The following RPS15 variants were observed in gnomAD, a reference collection of about 807,000 sequenced individuals.
RPS15 encodes small ribosomal subunit protein uS19.
Under a neutral mutation model 14.9 loss-of-function variants are expected in RPS15, and 5 were observed. The observed-to-expected ratio is 0.34, with a 90% CI of 0.18 to 0.70. The LOEUF is 0.70. Ranked by LOEUF, RPS15 falls within the 30% of genes least tolerant of loss-of-function variation. The pLI is 0.65. For missense variants in RPS15, 102 were observed against 204.2 expected, an observed-to-expected ratio of 0.50 and a Z score of 3.05; for synonymous variants, 103 against 85.0, an observed-to-expected ratio of 1.21 and a Z score of -1.16.
At chr19:1,440,281 G>T (rs770007962) in intron 3 of RPS15, 28 bp downstream of exon 3, 6 of 1,611,598 alleles carry the variant, frequency 3.7e-6, no homozygotes, top group South Asian at 3.3e-5. Context: ...TGCCGGCTGG[G>T]GTGGGCTGGG....
intron 2 of RPS15, chr19:1,439,219 T>A (rs1385416964): frequency 3.0e-6 from 1 of 334,652 alleles, no homozygotes; most frequent in African/African-American, 2.2e-5. Context: ...CTGGGTCCTT[T>A]CCAGGCAGGG....
At chr19:1,439,166 G>T (rs889708404) in intron 2 of RPS15, 2 of 465,928 alleles carry the variant, frequency 4.3e-6, no homozygotes, top group Non-Finnish European at 7.6e-6. Context: ...TTAGAATAAG[G>T]GGCTGCGTTA....
At chr19:1,439,901 C>A in intron 2 of RPS15, 118 bp from the exon 3 acceptor site, 1 of 834,436 alleles carries the variant, frequency 1.2e-6, no homozygotes, top group Non-Finnish European at 2.0e-6. Flanking sequence ...TGGACAGTGA[C>A]AGGTCCACTG....
rs527455840 is a variant in RPS15 at position 1,439,054 on chromosome 19, C to T, written c.89+162C>T. ...TGTGGTCTTGCGCCCAGAAAACTGT[C>T]CAGAGACGTTGAGGTTTTTGCTTAT... On this transcript the variant is annotated intron_variant, in intron 2 of 3. Coordinates refer to ENST00000592588, the MANE Select transcript of RPS15 (RefSeq NM_001018.5). The T allele has an allele frequency of 2.0e-4, 125 of 613,536 alleles. No homozygotes were observed. The Admixed American group carries it at 2.4e-3, about 12-fold the overall frequency. The allele number at this position is 613,536 out of a possible 1,614,324, so 38.0% of individuals were successfully genotyped here.
rs1014073013 is a variant in RPS15 at position 1,438,555 on chromosome 19, G to A, written c.3+127G>A. On this transcript the variant is annotated intron_variant, in intron 1 of 3. Coordinates refer to ENST00000592588, the MANE Select transcript of RPS15 (RefSeq NM_001018.5). The surrounding 1 kb of genome is among the most constrained non-coding windows in gnomAD (Gnocchi z 4.8). The stretch of plus-strand genomic sequence containing the variant: ...CTTGCTCCCGACCCTGCAGGCGGCT[G>A]GATGTTGGGGCGAGGGGCGGACTTG... 128 of 1,577,004 alleles carry A rather than the reference G, an allele frequency of 8.1e-5. No homozygotes were observed. Among genetic ancestry groups the A allele is most frequent in the Non-Finnish European group, 1.0e-4 (121 of 1,161,442 alleles).
chr19:1,439,119 G>A (rs2083632860), intron 2 of RPS15: 1 of 543,496 alleles, frequency 1.8e-6, no homozygotes, highest in Non-Finnish European at 3.2e-6. Context: ...CCGCGGCTTA[G>A]TTGGAAGGTG....
Position 1,438,989 on chromosome 19 carries a change from C to A in RPS15, c.89+97C>A. 1.8e-6 allele frequency: 1 copy of A among 564,210 alleles called. No homozygotes were observed. Among genetic ancestry groups the A allele is most frequent in the Non-Finnish European group, 3.0e-6 (1 of 331,056 alleles). The allele number at this position is 564,210 out of a possible 1,614,324, so 35.0% of individuals were successfully genotyped here. On this transcript the variant is annotated intron_variant, in intron 2 of 3. Transcript: ENST00000592588. This position sits in a 1 kb window ranked among gnomAD's most constrained non-coding sequence, Gnocchi z 4.8. The stretch of plus-strand genomic sequence containing the variant: ...GGCGGGGGTCCAAGCGCCTCTGCGG[C>A]GGTGGGCGGGCACGGTCTCCGCGCG...
At chr19:1,439,056 A>G in intron 2 of RPS15, 164 bp downstream of exon 2, 3 of 607,910 alleles carry the variant, frequency 4.9e-6, no homozygotes, top group South Asian at 4.2e-5. Flanking sequence ...AAAACTGTCC[A>G]GAGACGTTGA....
rs1159617100 is a variant in RPS15, at chr19:1,438,672, A to T, written c.4-135A>T. The T allele has an allele frequency of 2.0e-6, 3 of 1,531,326 alleles. No individual in the cohort carries two copies. Among genetic ancestry groups the T allele is most frequent in the African/African-American group, 2.8e-5 (2 of 72,418 alleles). 94.9% of individuals were successfully genotyped at this position (1,531,326 alleles called of 1,614,324 possible). On this transcript the variant is annotated intron_variant, in intron 1 of 3. Transcript: ENST00000592588. The surrounding 1 kb of genome is among the most constrained non-coding windows in gnomAD (Gnocchi z 4.8). Reference sequence around the variant, plus strand: ...CCGGAGCCGCGAGTGATCCCCGGGGACGGGTCGAAGCGGTGTGTCCCTGTC... The same window carrying T: ...CCGGAGCCGCGAGTGATCCCCGGGGTCGGGTCGAAGCGGTGTGTCCCTGTC...
At position 1,440,062 on chromosome 19, in the gene RPS15, C is replaced by T. The variant is rs1180113591; in HGVS notation, c.133C>T (p.Leu45=). ...GTACAGTGCGCGCCAGCGGCGGCGG[C>T]TGAACCGGGGCCTGCGGCGGAAGCA... ...QLYSARQRRR[L]NRGLRRKQHS... Residue 45 remains leucine (L), a synonymous_variant, in exon 3 of 4, where the codon CTG becomes TTG. Transcript: ENST00000592588. The T allele has an allele frequency of 2.6e-6, 4 of 1,563,008 alleles. No individual in the cohort carries two copies. In the Admixed American group the frequency reaches 7.8e-5, roughly 30 times the overall value.
intron 2 of RPS15, chr19:1,439,155 C>T (rs2083633103): frequency 4.1e-6 from 2 of 488,970 alleles, no homozygotes; most frequent in Non-Finnish European, 7.2e-6. Flanking sequence ...GCCCACGTGA[C>T]TTAGAATAAG....
Position 1,438,749 on chromosome 19 carries a change from G to A in RPS15, c.4-58G>A. ...CGTCTTCCGCGGTGTCCTCGGGCCC[G>A]GTGGCCCCGGGAGATGGGTGTCGGG... is the stretch of plus-strand genomic sequence containing the variant. On this transcript the variant is annotated intron_variant, in intron 1 of 3. Transcript: ENST00000592588. The surrounding 1 kb of genome is among the most constrained non-coding windows in gnomAD (Gnocchi z 4.8). The A allele has an allele frequency of 1.3e-6, 2 of 1,548,546 alleles. No individual in the cohort carries two copies. Among genetic ancestry groups the A allele is most frequent in the Non-Finnish European group, 1.7e-6 (2 of 1,144,722 alleles).
chr19:1,440,390 C>A lies in RPS15; in HGVS notation c.366C>A (p.Thr122=). 6.2e-7 allele frequency: 1 copy of A among 1,614,044 alleles called. No homozygotes were observed. The highest frequency in any genetic ancestry group is 8.5e-7 in the Non-Finnish European group (1 of 1,179,910). The change falls in exon 4 of 4, where the codon ACC becomes ACA. Residue 122 remains threonine, a synonymous_variant. Coordinates refer to ENST00000592588, the MANE Select transcript of RPS15 (RefSeq NM_001018.5). ...IGHYLGEFSI[T]YKPVKHGRPG... ...ACTACCTGGGCGAGTTCTCCATCAC[C>A]TACAAGCCCGTAAAGCATGGCCGGC...
intron 2 of RPS15, 83 bp from the exon 3 acceptor site, chr19:1,439,936 A>G (rs1019430632): frequency 1.0e-5 from 12 of 1,157,640 alleles, no homozygotes; most frequent in Non-Finnish European, 1.5e-5. Context: ...GAGAGAACCA[A>G]GCCTTAGTTC....
intron 2 of RPS15, chr19:1,439,725 G>C: frequency 5.0e-6 from 3 of 594,728 alleles, no homozygotes; most frequent in Non-Finnish European, 9.0e-6. Context: ...GAGGCCTTTG[G>C]CCCGAGCTGT....
At position 1,438,926 on chromosome 19, in the gene RPS15, T is replaced by C. The variant is rs1455921869; in HGVS notation, c.89+34T>C. 2.0e-6 allele frequency: 3 copies of C among 1,472,790 alleles called. No individual in the cohort carries two copies. Among genetic ancestry groups the C allele is most frequent in the Non-Finnish European group, 2.7e-6 (3 of 1,098,702 alleles). 91.2% of individuals were successfully genotyped at this position (1,472,790 alleles called of 1,614,324 possible). ...GGCCGCGGGGGTCGCGGGCAGGGGCTGGGCCAGCGGTGGGGCTTGTCCGGG... is the reference window on the plus strand; with the variant it reads ...GGCCGCGGGGGTCGCGGGCAGGGGCCGGGCCAGCGGTGGGGCTTGTCCGGG... On this transcript the variant is annotated intron_variant, in intron 2 of 3. Transcript: ENST00000592588. The surrounding 1 kb of genome is among the most constrained non-coding windows in gnomAD (Gnocchi z 4.8).
rs2083629373 is a variant in RPS15 at position 1,438,772 on chromosome 19, G to A, written c.4-35G>A. 1.3e-6 allele frequency: 2 copies of A among 1,567,996 alleles called. No homozygotes were observed. The highest frequency in any genetic ancestry group is 2.3e-5 in the South Asian group (2 of 86,168). On this transcript the variant is annotated intron_variant, in intron 1 of 3. Transcript: ENST00000592588. The surrounding 1 kb of genome is among the most constrained non-coding windows in gnomAD (Gnocchi z 4.8). ...CCGGTGGCCCCGGGAGATGGGTGTC[G>A]GGATCCCGCTGACGCCCGATCCGCG...
At chr19:1,439,159 G>C (rs1000807244) in intron 2 of RPS15, 2 of 480,002 alleles carry the variant, frequency 4.2e-6, no homozygotes, top group Non-Finnish European at 7.3e-6. Flanking sequence ...ACGTGACTTA[G>C]AATAAGGGGC....
Position 1,440,025 on chromosome 19 carries a change from G to C in RPS15, c.96G>C (p.Gln32His), listed in dbSNP as rs1416805706. The C allele has an allele frequency of 6.4e-7, 1 of 1,550,724 alleles. No homozygotes were observed. The highest frequency in any genetic ancestry group is 8.7e-7 in the Non-Finnish European group (1 of 1,148,370). Residue 32 changes from glutamine (Q) to histidine (H), a missense_variant, in exon 3 of 4, where the codon CAG becomes CAC. Around this residue, in one of 2 missense-constraint regions of RPS15, gnomAD observed 70 missense variants for 96.8 expected, o/e 0.72. Transcript: ENST00000592588. ...CCTGGTGCATCCTCCCCAGCGAGCA[G>C]CTGATGCAGCTGTACAGTGCGCGCC... ...LDQLLDMSYEQLMQLYSARQR... is the reference protein window; with the variant it reads ...LDQLLDMSYEHLMQLYSARQR...
Sources: gnomAD v4.1 joint callset for allele counts on GRCh38, gnomAD v4.1.1 for gene constraint, gnomAD v4.1.1 regional missense constraint, Gnocchi (gnomAD v3.1) non-coding constraint, MANE v1.5 for transcripts, NCBI Gene and HGNC (gene_info 2026-07-23, HGNC 2026-07-21) for gene names.